The following PALM2AKAP2 variants were observed in gnomAD, a reference collection of about 807,000 sequenced individuals.
The protein encoded by PALM2AKAP2 is PALM2-AKAP2 fusion protein.
Under a neutral mutation model 71.5 loss-of-function variants are expected in PALM2AKAP2, and 37 were observed. That is an observed-to-expected ratio of 0.52 (90% CI 0.40 to 0.68). PALM2AKAP2 has a LOEUF of 0.68. Among genes scored for constraint, PALM2AKAP2 ranks in the 30% least tolerant of loss-of-function variants. The pLI is 0.00. For synonymous variants in PALM2AKAP2, 468 were observed against 478.8 expected (o/e 0.98, Z 0.29); for missense variants, 1,224 against 1,191.8 (o/e 1.03, Z -0.40).
intron 6 of PALM2AKAP2, among the ~76,000 whole-genome samples, chr9:109,953,560 A>G (rs7039009): frequency 0.44 from 66,234 of 151,944 alleles, 16,523 homozygotes; most frequent in East Asian, 0.74. Flanking sequence ...GCTGGAGGCC[A>G]GGTGCGGTGG....
chr9:109,976,539 C>T (rs959812189), intron 6 of PALM2AKAP2, among the ~76,000 whole-genome samples: 1 of 152,074 alleles, frequency 6.6e-6, no homozygotes, highest in African/African-American at 2.4e-5. Context: ...TAGAAGATTG[C>T]TAGGCAGAAA....
chr9:109,898,801 ACACCTGCCAAAT>A (rs2131841733), intron 3 of PALM2AKAP2, among the ~76,000 whole-genome samples: 1 of 152,240 alleles, frequency 6.6e-6, no homozygotes, highest in Admixed American at 6.5e-5. Context: ...TCACTCTCCT[ACACCTGCCAAAT>A]CACCAGTGAC....
chr9:110,110,314 G>C (rs527452742), intron 1 of PALM2AKAP2, among the ~76,000 whole-genome samples: 4 of 152,256 alleles, frequency 2.6e-5, no homozygotes, highest in Non-Finnish European at 5.9e-5. Context: ...TGGTGCCCTA[G>C]TCAGGGCTTG....
intron 7 of PALM2AKAP2, among the ~76,000 whole-genome samples, chr9:110,042,589 G>T (rs1833528442): frequency 6.6e-6 from 1 of 152,194 alleles, no homozygotes; most frequent in Non-Finnish European, 1.5e-5. Flanking sequence ...GTAAGCAAAT[G>T]ATCTTTGTGG....
At chr9:110,036,108 G>A (rs968897941) in intron 7 of PALM2AKAP2, among the ~76,000 whole-genome samples, 1 of 151,530 alleles carries the variant, frequency 6.6e-6, no homozygotes, top group African/African-American at 2.4e-5. Context: ...TAGTTTTTTT[G>A]GTATTTTTAG....
intron 1 of PALM2AKAP2, among the ~76,000 whole-genome samples, chr9:109,781,685 G>A (rs1826803877): frequency 6.6e-6 from 1 of 152,202 alleles, no homozygotes; most frequent in African/African-American, 2.4e-5. Flanking sequence ...CCTCAAATCT[G>A]AAATGTCTTG....
At chr9:109,890,335 G>A (rs1830058560) in intron 3 of PALM2AKAP2, among the ~76,000 whole-genome samples, 1 of 152,096 alleles carries the variant, frequency 6.6e-6, no homozygotes. Flanking sequence ...TGTGGGACCC[G>A]AGGCTGCTTG....
intron 1 of PALM2AKAP2, among the ~76,000 whole-genome samples, chr9:110,062,509 T>C (rs1833986471): frequency 2.0e-5 from 3 of 152,192 alleles, no homozygotes; most frequent in Admixed American, 1.3e-4. Context: ...AAATTAATTT[T>C]ATCTCCAAGC....
At chr9:109,894,199 A>G (rs1416933138) in intron 3 of PALM2AKAP2, among the ~76,000 whole-genome samples, 2 of 152,102 alleles carry the variant, frequency 1.3e-5, no homozygotes, top group African/African-American at 4.8e-5. Flanking sequence ...TTAGCTGGGC[A>G]TGGTGGCGGG....
intron 1 of PALM2AKAP2, among the ~76,000 whole-genome samples, chr9:110,050,630 T>TTTTCTTTTCTTTTC (rs1564279279): frequency 6.6e-5 from 10 of 150,706 alleles, no homozygotes; most frequent in African/African-American, 2.0e-4. Context: ...CTTTTCTTTT[T>TTTTCTTTTCTTTTC]TTTTCTTTTC....
chr9:109,949,818 G>A (rs1165965018), intron 6 of PALM2AKAP2, among the ~76,000 whole-genome samples: 2 of 152,168 alleles, frequency 1.3e-5, no homozygotes, highest in African/African-American at 4.8e-5. Flanking sequence ...TTAAATGCAA[G>A]CAAAGCCCAG....
At chr9:110,107,729 G>C (rs896588285) in intron 1 of PALM2AKAP2, among the ~76,000 whole-genome samples, 1 of 152,078 alleles carries the variant, frequency 6.6e-6, no homozygotes, top group Non-Finnish European at 1.5e-5. Context: ...ACCATGCCCA[G>C]CTAATTTTTG....
chr9:109,903,128 C>A (rs992405325), intron 3 of PALM2AKAP2, among the ~76,000 whole-genome samples: 3 of 152,068 alleles, frequency 2.0e-5, no homozygotes, highest in Non-Finnish European at 4.4e-5. Flanking sequence ...AGCAAAGGGC[C>A]TGGGACACAC....
chr9:109,744,083 A>G (rs555013762), intron 1 of PALM2AKAP2, among the ~76,000 whole-genome samples: 2 of 152,356 alleles, frequency 1.3e-5, no homozygotes, highest in East Asian at 3.9e-4. Flanking sequence ...TCAAGAGCAG[A>G]ATTAAAATTC....
intron 6 of PALM2AKAP2, among the ~76,000 whole-genome samples, chr9:109,988,795 G>A (rs536560131): frequency 5.3e-5 from 8 of 152,304 alleles, no homozygotes; most frequent in South Asian, 2.1e-4. Flanking sequence ...TACCCAAATC[G>A]TATCTTTGAA....
At chr9:109,706,274 G>T (rs1185595175) in intron 1 of PALM2AKAP2, among the ~76,000 whole-genome samples, 2 of 152,056 alleles carry the variant, frequency 1.3e-5, no homozygotes, top group Non-Finnish European at 2.9e-5. Context: ...TCATAATAAT[G>T]ATGATGATGG....
At chr9:110,084,510 G>T (rs982809087) in intron 1 of PALM2AKAP2, among the ~76,000 whole-genome samples, 5 of 152,120 alleles carry the variant, frequency 3.3e-5, no homozygotes, top group Non-Finnish European at 5.9e-5. Context: ...CTATGGGGGG[G>T]TTGGTTCCAG....
At chr9:109,708,780 C>T (rs1587876500) in intron 1 of PALM2AKAP2, among the ~76,000 whole-genome samples, 1 of 152,202 alleles carries the variant, frequency 6.6e-6, no homozygotes, top group East Asian at 1.9e-4. Context: ...TGAGGTTCTG[C>T]TTGCTTCCTG....
At chr9:110,163,740 G>A (rs1673429453) in intron 3 of PALM2AKAP2, among the ~76,000 whole-genome samples, 1 of 152,102 alleles carries the variant, frequency 6.6e-6, no homozygotes, top group Non-Finnish European at 1.5e-5. Context: ...CTGCTGTATG[G>A]TATTCCATTG....
Sources: gnomAD v4.1 joint callset for allele counts (sites outside exome capture counted in the v4.1 genomes callset) on GRCh38, gnomAD v4.1.1 for gene constraint, MANE v1.5 for transcripts, NCBI Gene and HGNC (gene_info 2026-07-23, HGNC 2026-07-21) for gene names.